IP6K1: variants seen among roughly 807,000 people sequenced by gnomAD.
IP6K1 encodes inositol hexakisphosphate kinase 1.
Under a neutral mutation model 38.3 loss-of-function variants are expected in IP6K1, and 13 were observed. The ratio of observed to expected loss-of-function variants is 0.34; its 90% CI spans 0.22 to 0.54. The LOEUF (loss-of-function observed/expected upper bound fraction) is 0.54. IP6K1 is among the 20% of genes least tolerant of loss of function. The pLI, the probability that IP6K1 is intolerant of heterozygous loss-of-function variation, is 0.92. For synonymous variants in IP6K1, 212 were observed against 229.9 expected, an observed-to-expected ratio of 0.92 and a Z score of 0.70; for missense variants, 397 against 599.8, an observed-to-expected ratio of 0.66 and a Z score of 3.53.
At chr3:49,774,285 G>A (rs978216425) in intron 1 of IP6K1, among the ~76,000 whole-genome samples, 1 of 151,452 alleles carries the variant, frequency 6.6e-6, no homozygotes, top group East Asian at 2.0e-4. Context: ...GCGGGTGCCT[G>A]TAGTCCCAGC....
intron 1 of IP6K1, among the ~76,000 whole-genome samples, chr3:49,770,866 T>C (rs992732740): frequency 5.3e-5 from 8 of 152,104 alleles, no homozygotes; most frequent in Non-Finnish European, 1.2e-4. Flanking sequence ...TCCTAGCATC[T>C]TGTGAGGCCC....
intron 1 of IP6K1, among the ~76,000 whole-genome samples, chr3:49,782,066 T>C (rs2108266506): frequency 6.6e-6 from 1 of 151,480 alleles, no homozygotes; most frequent in Middle Eastern, 3.4e-3. Context: ...GCACTCCAGC[T>C]GGGCAACAGA....
At chr3:49,736,239 AT>A (rs1170269510) in intron 3 of IP6K1, among the ~76,000 whole-genome samples, 1 of 152,010 alleles carries the variant, frequency 6.6e-6, no homozygotes, top group Non-Finnish European at 1.5e-5. Flanking sequence ...TTATTTTTTT[AT>A]TTTTTACAAT....
intron 1 of IP6K1, among the ~76,000 whole-genome samples, chr3:49,759,145 C>T (rs2080848401): frequency 6.6e-6 from 1 of 152,066 alleles, no homozygotes; most frequent in Non-Finnish European, 1.5e-5. Flanking sequence ...GACTCCAAAG[C>T]AGTTTTAAAT....
In IP6K1 at chr3:49,727,211, T is replaced by G; in HGVS notation, c.1237A>C (p.Thr413Pro). The G allele has an allele frequency of 6.2e-7, 1 of 1,614,126 alleles. No homozygotes were observed. Among genetic ancestry groups the G allele is most frequent in the Non-Finnish European group, 8.5e-7 (1 of 1,180,016 alleles). The change falls in exon 6 of 6, where the codon ACC (threonine) becomes CCC (proline). Residue 413 changes from threonine (T) to proline (P), a missense_variant. Around this residue, in one of 3 missense-constraint regions of IP6K1, gnomAD observed 164 missense variants for 213.5 expected, o/e 0.77. Coordinates refer to ENST00000321599, the MANE Select transcript of IP6K1 (RefSeq NM_153273.4). This position sits in a 1 kb window ranked among gnomAD's most constrained non-coding sequence, Gnocchi z 5.9. ...STFKGFRDDP[T>P]VHDGPDRGYV... is the part of the protein sequence containing the mutation. ...CCTCTGTCTGGCCCATCATGCACGG[T>G]GGGGTCATCCCGGAAGCCCTTGAAT...
chr3:49,727,204 T>G lies in IP6K1; in HGVS notation c.1244A>C (p.His415Pro). ...CACGTAGCCTCTGTCTGGCCCATCA[T>G]GCACGGTGGGGTCATCCCGGAAGCC... is the stretch of plus-strand genomic sequence containing the variant. ...FKGFRDDPTV[H>P]DGPDRGYVFG... The change falls in exon 6 of 6, where the codon CAT becomes CCT. Residue 415 changes from histidine to proline, a missense_variant. Coordinates refer to ENST00000321599, the MANE Select transcript of IP6K1 (RefSeq NM_153273.4). The surrounding 1 kb of genome is among the most constrained non-coding windows in gnomAD (Gnocchi z 5.9). 1 of 1,614,178 alleles carries G rather than the reference T, an allele frequency of 6.2e-7. No homozygotes were observed. Among genetic ancestry groups the G allele is most frequent in the Non-Finnish European group, 8.5e-7 (1 of 1,180,034 alleles).
At chr3:49,728,598 C>T (rs1559700907) in intron 4 of IP6K1, among the ~76,000 whole-genome samples, 1 of 151,816 alleles carries the variant, frequency 6.6e-6, no homozygotes, top group Non-Finnish European at 1.5e-5. Context: ...TTTTTTGAAA[C>T]GGAGTCTCGC....
intron 2 of IP6K1, among the ~76,000 whole-genome samples, chr3:49,747,301 G>A (rs1459709083): frequency 6.6e-6 from 1 of 152,074 alleles, no homozygotes; most frequent in Non-Finnish European, 1.5e-5. Context: ...TATTCATGAG[G>A]TTCTTTTCTA....
chr3:49,784,251 C>T (rs952018127), intron 1 of IP6K1, among the ~76,000 whole-genome samples: 3 of 152,198 alleles, frequency 2.0e-5, no homozygotes, highest in East Asian at 1.9e-4. Context: ...CCCGCCTCAG[C>T]CTCCCAAAGT....
At chr3:49,763,656 A>C (rs2080885212) in intron 1 of IP6K1, among the ~76,000 whole-genome samples, 1 of 152,184 alleles carries the variant, frequency 6.6e-6, no homozygotes, top group Non-Finnish European at 1.5e-5. Flanking sequence ...AAAAGCCATA[A>C]GATGTAATCA....
intron 2 of IP6K1, among the ~76,000 whole-genome samples, chr3:49,744,401 C>CAAAA (rs56916226): frequency 1.3e-4 from 10 of 76,202 alleles, no homozygotes; most frequent in African/African-American, 2.8e-4. Context: ...GACTCCGTCT[C>CAAAA]AAAAAAAAAA....
At chr3:49,742,504 G>A (rs949355521) in intron 2 of IP6K1, among the ~76,000 whole-genome samples, 7 of 152,140 alleles carry the variant, frequency 4.6e-5, no homozygotes, top group Admixed American at 2.0e-4. Context: ...AGCCAAGATC[G>A]CGCCACTGCA....
At chr3:49,745,689 T>C (rs920160083) in intron 2 of IP6K1, among the ~76,000 whole-genome samples, 1 of 152,132 alleles carries the variant, frequency 6.6e-6, no homozygotes, top group African/African-American at 2.4e-5. Context: ...ACCCCATCTC[T>C]ACTAAAAATA....
intron 3 of IP6K1, 62 bp downstream of exon 3, chr3:49,738,150 T>C (rs2080631017): frequency 7.6e-7 from 1 of 1,322,320 alleles, no homozygotes; most frequent in African/African-American, 1.4e-5. Context: ...CCCCATGATG[T>C]GTCAGGACTA....
chr3:49,768,445 A>G (rs937912185), intron 1 of IP6K1, among the ~76,000 whole-genome samples: 3 of 152,326 alleles, frequency 2.0e-5, no homozygotes, highest in African/African-American at 4.8e-5. Context: ...ACAAAAGGGA[A>G]AAAATTATAT....
chr3:49,769,827 T>A (rs1304632544), intron 1 of IP6K1, among the ~76,000 whole-genome samples: 2 of 151,980 alleles, frequency 1.3e-5, no homozygotes, highest in African/African-American at 4.8e-5. Flanking sequence ...GTAGGGAAAA[T>A]TTAAAAACAA....
chr3:49,776,423 A>G (rs1252851473), intron 1 of IP6K1, among the ~76,000 whole-genome samples: 1 of 152,070 alleles, frequency 6.6e-6, no homozygotes, highest in African/African-American at 2.4e-5. Flanking sequence ...AGGCTGAGGC[A>G]GGAAAATTAC....
chr3:49,751,850 A>G (rs914018396), intron 1 of IP6K1, among the ~76,000 whole-genome samples: 2 of 152,228 alleles, frequency 1.3e-5, no homozygotes, highest in African/African-American at 2.4e-5. Context: ...ATTGCAACAA[A>G]TGGAAAGAAA....
intron 1 of IP6K1, chr3:49,785,870 T>C (rs1361264990): frequency 1.3e-5 from 2 of 152,214 alleles, no homozygotes; most frequent in African/African-American, 4.8e-5. Flanking sequence ...AGGGTCCCCC[T>C]TGCCATAATC....
Sources: allele counts gnomAD v4.1 joint callset (sites outside exome capture counted in the v4.1 genomes callset), GRCh38; gene constraint gnomAD v4.1.1; regional missense constraint gnomAD v4.1.1; non-coding constraint Gnocchi (gnomAD v3.1); transcripts MANE v1.5; gene names NCBI Gene and HGNC (gene_info 2026-07-23, HGNC 2026-07-21).